TUSC3: variants seen among roughly 807,000 people sequenced by gnomAD.
TUSC3 encodes tumor suppressor candidate 3, also known as dolichyl-diphosphooligosaccharide--protein glycosyltransferase subunit TUSC3.
TUSC3 carries 45 observed loss-of-function variants against 44.8 expected under a neutral mutation model. The observed-to-expected ratio is 1.00, with a 90% CI of 0.79 to 1.29. The LOEUF is 1.29. Among genes scored for constraint, TUSC3 ranks in the 50% most tolerant of loss-of-function variants. The pLI is 0.00. For missense variants in TUSC3, 519 were observed against 437.9 expected (o/e 1.19, Z -1.65); for synonymous variants, 212 against 152.9 (o/e 1.39, Z -2.85).
chr8:15,467,993 G>A (rs972510258), intron 1 of TUSC3, among the ~76,000 whole-genome samples: 13 of 152,070 alleles, frequency 8.5e-5, no homozygotes, highest in African/African-American at 3.1e-4. Flanking sequence ...GTCAGCAAAG[G>A]AATGTACTAT....
At chr8:15,527,956 A>C (rs565298445) in intron 2 of TUSC3, among the ~76,000 whole-genome samples, 196 of 152,340 alleles carry the variant, frequency 1.3e-3, no homozygotes, top group Non-Finnish European at 1.7e-3. Flanking sequence ...CCATTAGCTA[A>C]TAATTTGGTG....
At chr8:15,731,339 T>A (rs1447579560) in intron 7 of TUSC3, among the ~76,000 whole-genome samples, 1 of 152,144 alleles carries the variant, frequency 6.6e-6, no homozygotes, top group East Asian at 1.9e-4. Flanking sequence ...AAAATTAGTT[T>A]GGACACTGTT....
intron 1 of TUSC3, among the ~76,000 whole-genome samples, chr8:15,464,707 T>C (rs527690860): frequency 1.2e-4 from 18 of 152,318 alleles, no homozygotes; most frequent in African/African-American, 3.8e-4. Context: ...GTTAAAACTT[T>C]TACTGTCTGT....
intron 2 of TUSC3, among the ~76,000 whole-genome samples, chr8:15,517,559 C>CTATGAGAA (rs1801236165): frequency 8.4e-6 from 1 of 119,722 alleles, no homozygotes; most frequent in Non-Finnish European, 1.6e-5. Context: ...AAAAAAAAGC[C>CTATGAGAA]CACAACATTC....
intron 1 of TUSC3, among the ~76,000 whole-genome samples, chr8:15,546,809 T>C (rs1801883950): frequency 6.6e-6 from 1 of 151,724 alleles, no homozygotes; most frequent in Non-Finnish European, 1.5e-5. Context: ...GTGCTGGGAT[T>C]ACAGGCATGA....
chr8:15,827,674 A>T, the TUSC3 span, among the ~76,000 whole-genome samples: 4 of 152,172 alleles, frequency 2.6e-5, 1 homozygote, highest in Non-Finnish European at 5.9e-5. Context: ...TTGGACACAG[A>T]TGTTTTATAA....
chr8:15,633,568 A>C (rs1321791201), intron 2 of TUSC3, among the ~76,000 whole-genome samples: 1 of 152,210 alleles, frequency 6.6e-6, no homozygotes, highest in East Asian at 1.9e-4. Context: ...GACCGATGCC[A>C]TATCAGCAAA....
intron 6 of TUSC3, among the ~76,000 whole-genome samples, chr8:15,716,651 C>G (rs1248464797): frequency 1.3e-5 from 2 of 152,006 alleles, no homozygotes; most frequent in Non-Finnish European, 2.9e-5. Context: ...ATAATATGTA[C>G]TAACTACGAA....
intron 2 of TUSC3, among the ~76,000 whole-genome samples, chr8:15,529,944 C>CACGCCACCGCG: frequency 3.6e-5 from 1 of 27,650 alleles, no homozygotes; most frequent in African/African-American, 1.0e-4. Flanking sequence ...ACTACAGGCG[C>CACGCCACCGCG]CCGGCTAATT....
intron 1 of TUSC3, among the ~76,000 whole-genome samples, chr8:15,432,623 T>G (rs919767303): frequency 6.6e-6 from 1 of 152,182 alleles, no homozygotes; most frequent in African/African-American, 2.4e-5. Flanking sequence ...AAGAAGCCTT[T>G]ATTATCATGG....
chr8:15,628,047 C>G (rs1442895510), intron 2 of TUSC3, among the ~76,000 whole-genome samples: 5 of 152,130 alleles, frequency 3.3e-5, no homozygotes, highest in African/African-American at 1.2e-4. Context: ...GACAAAATAC[C>G]TTAGTTGCCA....
At chr8:15,744,076 G>A (rs895343351) in intron 8 of TUSC3, among the ~76,000 whole-genome samples, 2 of 152,086 alleles carry the variant, frequency 1.3e-5, no homozygotes, top group Non-Finnish European at 2.9e-5. Flanking sequence ...CTTTCTATTC[G>A]TTCCAAAGCT....
chr8:15,670,966 GAC>G (rs1205043163), intron 5 of TUSC3, among the ~76,000 whole-genome samples: 1 of 152,014 alleles, frequency 6.6e-6, no homozygotes. Context: ...CAAATAAAAT[GAC>G]AGTGTGACAC....
intron 3 of TUSC3, among the ~76,000 whole-genome samples, chr8:15,652,986 T>G (rs1460859074): frequency 6.6e-6 from 1 of 152,256 alleles, no homozygotes; most frequent in Non-Finnish European, 1.5e-5. Flanking sequence ...ATTAAACATC[T>G]TATTTACTTT....
At chr8:15,508,597 G>T (rs1282928138) in intron 2 of TUSC3, among the ~76,000 whole-genome samples, 2 of 151,176 alleles carry the variant, frequency 1.3e-5, no homozygotes, top group East Asian at 4.0e-4. Flanking sequence ...GAGTAGCTGG[G>T]ACTACAGGCG....
chr8:15,476,978 C>T (rs1190772119), intron 1 of TUSC3, among the ~76,000 whole-genome samples: 3 of 152,180 alleles, frequency 2.0e-5, no homozygotes, highest in Non-Finnish European at 2.9e-5. Flanking sequence ...CACTTCTATG[C>T]ACACGAAGAG....
At chr8:15,547,770 C>T (rs531610405) in intron 1 of TUSC3, among the ~76,000 whole-genome samples, 2 of 151,332 alleles carry the variant, frequency 1.3e-5, no homozygotes, top group Non-Finnish European at 3.0e-5. Flanking sequence ...GGTCCTCGTT[C>T]TCCCAAGTGA....
the TUSC3 span, among the ~76,000 whole-genome samples, chr8:15,831,792 T>A: frequency 6.6e-6 from 1 of 152,150 alleles, no homozygotes; most frequent in African/African-American, 2.4e-5. Context: ...TGTGGAATTA[T>A]GTAAAGAGAT....
intron 1 of TUSC3, among the ~76,000 whole-genome samples, chr8:15,560,206 C>CA (rs1802408455): frequency 1.4e-5 from 2 of 146,320 alleles, no homozygotes; most frequent in African/African-American, 5.1e-5. Flanking sequence ...CTGGTGGTGA[C>CA]AAAATCTCTC....
Sources: allele counts gnomAD v4.1 joint callset (sites outside exome capture counted in the v4.1 genomes callset), GRCh38; gene constraint gnomAD v4.1.1; transcripts MANE v1.5; gene names NCBI Gene and HGNC (gene_info 2026-07-23, HGNC 2026-07-21).